Variants in ANO10 observed in about 807,000 individuals in gnomAD.
ANO10 encodes anoctamin-10.
ANO10 carries 77 observed loss-of-function variants against 74.7 expected under a neutral mutation model. That is an observed-to-expected ratio of 1.03 (90% CI 0.86 to 1.25). The LOEUF is 1.25. Among genes scored for constraint, ANO10 ranks in the 50% most tolerant of loss-of-function variants. The pLI is 0.00. For synonymous variants in ANO10, 279 were observed against 284.9 expected (o/e 0.98, Z 0.21); for missense variants, 721 against 778.1 (o/e 0.93, Z 0.87).
At chr3:43,488,836 C>T (rs183712224) in intron 11 of ANO10, among the ~76,000 whole-genome samples, 2,877 of 152,114 alleles carry the variant, frequency 0.019, 150 homozygotes, top group Admixed American at 0.11. Context: ...ACCCAAAGGA[C>T]TATAAATCAT....
At chr3:43,496,763 A>G (rs970984785) in intron 11 of ANO10, among the ~76,000 whole-genome samples, 2 of 152,008 alleles carry the variant, frequency 1.3e-5, no homozygotes, top group African/African-American at 4.8e-5. Context: ...ACCACTCTGA[A>G]GCTTATCCTT....
chr3:43,391,265 T>C (rs1340112453), intron 12 of ANO10, among the ~76,000 whole-genome samples: 3 of 152,140 alleles, frequency 2.0e-5, no homozygotes, highest in African/African-American at 7.2e-5. Context: ...AATGATAAAA[T>C]TCAGAAAATA....
intron 12 of ANO10, among the ~76,000 whole-genome samples, chr3:43,419,684 T>A (rs1559526621): frequency 6.6e-6 from 1 of 152,020 alleles, no homozygotes; most frequent in Non-Finnish European, 1.5e-5. Context: ...GCTGGCTAAT[T>A]CTTTGTATTT....
At chr3:43,422,160 A>C (rs1162259441) in intron 12 of ANO10, among the ~76,000 whole-genome samples, 2 of 152,184 alleles carry the variant, frequency 1.3e-5, no homozygotes, top group Admixed American at 1.3e-4. Flanking sequence ...TCTGTCGCCC[A>C]GGCTGGAGTG....
At position 43,374,843 on chromosome 3, in the gene ANO10, G is replaced by A. The variant is rs138951186; in HGVS notation, c.1915-7869C>T. ...GTGCTTAAAACTTTAAGAACTGGCC[G>A]GGCGCGGTGGCTCACACCTGTAATC... is the stretch of plus-strand genomic sequence containing the variant. On this transcript the variant is annotated intron_variant, in intron 12 of 12. Coordinates refer to ENST00000292246, the MANE Select transcript of ANO10 (RefSeq NM_018075.5). Among the ~76,000 whole-genome samples, 150 of 152,264 alleles carry A rather than the reference G, an allele frequency of 9.9e-4. 2 individuals are homozygous for A. In the East Asian group the frequency reaches 0.027, roughly 27 times the overall value.
At position 43,366,453 on chromosome 3, in the gene ANO10, C is replaced by A. The variant is rs546261399; in HGVS notation, c.*453G>T. ...GTCCAGTGTGGGAAGCACTGCCTTACTGTACCCCGCTCACTCTCAACTGAG... is the reference window on the plus strand; with the variant it reads ...GTCCAGTGTGGGAAGCACTGCCTTAATGTACCCCGCTCACTCTCAACTGAG... On this transcript the variant is annotated 3_prime_UTR_variant, in exon 13 of 13. Transcript: ENST00000292246. The A allele has an allele frequency of 1.6e-4, 45 of 284,242 alleles. No individual in the cohort carries two copies. The highest frequency in any genetic ancestry group is 2.6e-4 in the Non-Finnish European group (37 of 144,856). 17.6% of individuals were successfully genotyped at this position (284,242 alleles called of 1,614,324 possible).
intron 1 of ANO10, among the ~76,000 whole-genome samples, chr3:43,668,406 C>T (rs1297186697): frequency 6.6e-6 from 1 of 152,014 alleles, no homozygotes; most frequent in Non-Finnish European, 1.5e-5. Context: ...ATTTCTTTTG[C>T]TGTGCAGAAG....
intron 11 of ANO10, among the ~76,000 whole-genome samples, chr3:43,449,891 A>C (rs2074779676): frequency 6.6e-6 from 1 of 152,168 alleles, no homozygotes; most frequent in Non-Finnish European, 1.5e-5. Context: ...TGACATCTTA[A>C]TAGAGAATCC....
intron 11 of ANO10, among the ~76,000 whole-genome samples, chr3:43,540,151 T>C (rs1191244005): frequency 6.6e-6 from 1 of 152,200 alleles, no homozygotes; most frequent in East Asian, 1.9e-4. Context: ...AATTCCTTCG[T>C]TAATCAAAAC....
chr3:43,526,163 T>A (rs2078187818), intron 11 of ANO10, among the ~76,000 whole-genome samples: 2 of 152,220 alleles, frequency 1.3e-5, no homozygotes. Flanking sequence ...GGGACATGAC[T>A]AACATATGGA....
intron 12 of ANO10, among the ~76,000 whole-genome samples, chr3:43,373,870 C>T (rs1178546469): frequency 6.6e-6 from 1 of 152,250 alleles, no homozygotes; most frequent in African/African-American, 2.4e-5. Flanking sequence ...CCAAGCAAAA[C>T]TGACCCACCT....
At chr3:43,673,112 C>T (rs1275991872) in intron 1 of ANO10, among the ~76,000 whole-genome samples, 1 of 152,202 alleles carries the variant, frequency 6.6e-6, no homozygotes, top group Non-Finnish European at 1.5e-5. Flanking sequence ...TGACATATTT[C>T]AGTGTGGAAT....
At chr3:43,664,786 A>C (rs2083968317) in intron 1 of ANO10, among the ~76,000 whole-genome samples, 1 of 152,260 alleles carries the variant, frequency 6.6e-6, no homozygotes, top group African/African-American at 2.4e-5. Context: ...AATGCTAATC[A>C]TCAATGGTCA....
At chr3:43,591,087 C>T (rs1214783186) in intron 4 of ANO10, among the ~76,000 whole-genome samples, 1 of 152,168 alleles carries the variant, frequency 6.6e-6, no homozygotes, top group Non-Finnish European at 1.5e-5. Context: ...CTTTGGGTCC[C>T]CTGCCATCAT....
intron 11 of ANO10, among the ~76,000 whole-genome samples, chr3:43,522,516 A>G (rs1041538458): frequency 6.6e-6 from 1 of 152,104 alleles, no homozygotes; most frequent in African/African-American, 2.4e-5. Context: ...GCTTCATACA[A>G]CTTTATGCAT....
chr3:43,390,168 G>A (rs1295286909), intron 12 of ANO10, among the ~76,000 whole-genome samples: 1 of 152,206 alleles, frequency 6.6e-6, no homozygotes, highest in East Asian at 1.9e-4. Context: ...CAGTCCCTGG[G>A]AGAGTGTGGG....
At chr3:43,448,759 A>C (rs915532279) in intron 11 of ANO10, among the ~76,000 whole-genome samples, 8 of 152,220 alleles carry the variant, frequency 5.3e-5, no homozygotes, top group Non-Finnish European at 1.2e-4. Context: ...TAGTTTTCTA[A>C]GAAACTGCCA....
chr3:43,511,442 A>G (rs996693876), intron 11 of ANO10, among the ~76,000 whole-genome samples: 1 of 152,158 alleles, frequency 6.6e-6, no homozygotes, highest in Non-Finnish European at 1.5e-5. Context: ...TTCCATATTA[A>G]ATTAACGTCT....
chr3:43,630,030 T>C (rs2083530622), intron 1 of ANO10, among the ~76,000 whole-genome samples: 2 of 151,766 alleles, frequency 1.3e-5, no homozygotes, highest in Non-Finnish European at 2.9e-5. Flanking sequence ...GAAGAGAAAA[T>C]AGCAAAGGAA....
Sources: gnomAD v4.1 joint callset for allele counts (sites outside exome capture counted in the v4.1 genomes callset) on GRCh38, gnomAD v4.1.1 for gene constraint, MANE v1.5 for transcripts, NCBI Gene and HGNC (gene_info 2026-07-23, HGNC 2026-07-21) for gene names.